CENPC: variants seen among roughly 807,000 people sequenced by gnomAD.
CENPC encodes the protein CENP-C 1.
CENPC carries 63 observed loss-of-function variants against 112.1 expected under a neutral mutation model. The ratio of observed to expected loss-of-function variants is 0.56; its 90% CI spans 0.46 to 0.69. CENPC has a LOEUF of 0.69. Among genes scored for constraint, CENPC ranks in the 30% least tolerant of loss-of-function variants. The probability of loss-of-function intolerance (pLI) is 0.00; values close to 1 mark genes in which losing one functional copy is unlikely to be tolerated. For missense variants in CENPC, 1,000 were observed against 1,103.8 expected, an observed-to-expected ratio of 0.91 and a Z score of 1.33; for synonymous variants, 333 against 367.6, an observed-to-expected ratio of 0.91 and a Z score of 1.08.
At position 67,527,968 on chromosome 4, in the gene CENPC, T is replaced by TCATTATTAAAC. The variant is rs369608138; in HGVS notation, c.331+2836_331+2846dup. On this transcript the variant is annotated intron_variant, in intron 5 of 18. Coordinates refer to ENST00000273853, the MANE Select transcript of CENPC (RefSeq NM_001812.4). Reference sequence around the variant, plus strand: ...GAACAGACATGGATACCTAATATCATCATTATTAAACAACACTGACTCAGA... The same window carrying TCATTATTAAAC: ...GAACAGACATGGATACCTAATATCATCATTATTAAACCATTATTAAACAACACTGACTCAGA... Among the ~76,000 whole-genome samples the TCATTATTAAAC allele has an allele frequency of 3.5e-3, 534 of 152,192 alleles. 6 individuals carry two copies. The highest frequency in any genetic ancestry group is 0.012 in the African/African-American group (498 of 41,512).
At chr4:67,533,372 C>G (rs540521441) in intron 4 of CENPC, among the ~76,000 whole-genome samples, 61 of 152,288 alleles carry the variant, frequency 4.0e-4, no homozygotes, top group African/African-American at 1.3e-3. Flanking sequence ...AATTAAACCT[C>G]CTTTTCTTCC....
intron 17 of CENPC, among the ~76,000 whole-genome samples, chr4:67,475,919 C>T (rs944944829): frequency 1.3e-5 from 2 of 152,090 alleles, no homozygotes; most frequent in South Asian, 2.1e-4. Flanking sequence ...ATTTGTGATA[C>T]AGTCATGCAC....
intron 12 of CENPC, among the ~76,000 whole-genome samples, chr4:67,501,426 T>C (rs1362934225): frequency 1.3e-5 from 2 of 152,222 alleles, no homozygotes; most frequent in East Asian, 3.8e-4. Flanking sequence ...ATTTCTGTAG[T>C]ATTCCTGTCA....
intron 5 of CENPC, among the ~76,000 whole-genome samples, chr4:67,522,386 T>C (rs572271501): frequency 5.3e-4 from 80 of 152,290 alleles, no homozygotes; most frequent in African/African-American, 1.7e-3. Context: ...GTCTGAGCCC[T>C]GGAATCATCT....
chr4:67,493,753 T>G (rs1725350218), intron 14 of CENPC, 131 bp downstream of exon 14: 2 of 582,360 alleles, frequency 3.4e-6, no homozygotes, highest in East Asian at 5.8e-5. Context: ...AAAAATGAAT[T>G]TAAATCCTAT....
At chr4:67,478,131 A>C (rs1183618940) in intron 17 of CENPC, among the ~76,000 whole-genome samples, 1 of 152,186 alleles carries the variant, frequency 6.6e-6, no homozygotes, top group Non-Finnish European at 1.5e-5. Flanking sequence ...AATTTGAGGA[A>C]ATAATCAAGG....
At chr4:67,487,201 G>C (rs1200238226) in intron 17 of CENPC, among the ~76,000 whole-genome samples, 2 of 151,932 alleles carry the variant, frequency 1.3e-5, no homozygotes, top group African/African-American at 4.8e-5. Context: ...ATTCTAATAA[G>C]AACAAACTCA....
Position 67,489,990 on chromosome 4 carries a change from G to T in CENPC, c.2647C>A (p.Gln883Lys). The T allele has an allele frequency of 6.3e-7, 1 of 1,589,912 alleles. No homozygotes were observed. Among genetic ancestry groups the T allele is most frequent in the Non-Finnish European group, 8.6e-7 (1 of 1,168,280 alleles). Reference protein sequence around the residue: ...ILGPQEEKGKQHVGQDILVFY... With the variant: ...ILGPQEEKGKKHVGQDILVFY... The stretch of plus-strand genomic sequence containing the variant: ...ACCAATATATCCTGGCCAACATGCT[G>T]CTTTCCCTTTTCTTCTTGTGGTCCT... The change falls in exon 17 of 19, where the codon CAG becomes AAG. Residue 883 changes from glutamine to lysine, a missense_variant. Transcript: ENST00000273853.
intron 5 of CENPC, among the ~76,000 whole-genome samples, chr4:67,527,149 T>C (rs368730307): frequency 6.6e-6 from 1 of 152,152 alleles, no homozygotes; most frequent in Non-Finnish European, 1.5e-5. Flanking sequence ...GGGGGAAATT[T>C]ATGCCAAATG....
chr4:67,525,662 CAAG>C (rs1452272534), intron 5 of CENPC, among the ~76,000 whole-genome samples: 1 of 152,106 alleles, frequency 6.6e-6, no homozygotes. Context: ...ATTAAAAAGA[CAAG>C]AAACAACAGA....
At chr4:67,525,481 A>T (rs1726348538) in intron 5 of CENPC, among the ~76,000 whole-genome samples, 1 of 152,176 alleles carries the variant, frequency 6.6e-6, no homozygotes, top group South Asian at 2.1e-4. Flanking sequence ...AAACAAAAAC[A>T]AACAATCCCA....
At chr4:67,515,384 T>G (rs1031152682) in intron 7 of CENPC, among the ~76,000 whole-genome samples, 2 of 151,584 alleles carry the variant, frequency 1.3e-5, no homozygotes, top group African/African-American at 2.4e-5. Context: ...AAGAATCACT[T>G]GAACCCAGGA....
At chr4:67,491,480 T>A (rs1874634) in intron 16 of CENPC, among the ~76,000 whole-genome samples, 1 of 18,098 alleles carries the variant, frequency 5.5e-5, no homozygotes, top group South Asian at 5.3e-3. Flanking sequence ...TATATATATA[T>A]AGAGAGAGAG....
intron 4 of CENPC, among the ~76,000 whole-genome samples, chr4:67,531,176 A>T (rs1037214743): frequency 6.6e-6 from 1 of 152,200 alleles, no homozygotes; most frequent in Admixed American, 6.5e-5. Flanking sequence ...TGGACAGAAG[A>T]CTGAATAAAC....
intron 16 of CENPC, among the ~76,000 whole-genome samples, chr4:67,491,675 T>C (rs956332987): frequency 1.3e-5 from 2 of 151,890 alleles, no homozygotes; most frequent in African/African-American, 4.8e-5. Flanking sequence ...GCTTTAAGGT[T>C]AAACCTGGCA....
At chr4:67,472,836 G>A (rs780669447) in intron 18 of CENPC, among the ~76,000 whole-genome samples, 161 bp from the exon 19 acceptor site, 4 of 152,144 alleles carry the variant, frequency 2.6e-5, no homozygotes, top group Non-Finnish European at 4.4e-5. Flanking sequence ...TACATCAACA[G>A]CTAACCATGA....
intron 12 of CENPC, among the ~76,000 whole-genome samples, chr4:67,500,740 T>C (rs910661927): frequency 3.9e-5 from 6 of 152,202 alleles, no homozygotes; most frequent in African/African-American, 9.6e-5. Context: ...AATAAAATAA[T>C]TGGCATGCGG....
rs377691757 is a variant in CENPC at position 67,508,926 on chromosome 4, C to T, written c.1792G>A (p.Glu598Lys). 15 of 1,613,550 alleles carry T rather than the reference C, an allele frequency of 9.3e-6. No homozygotes were observed. The African/African-American group carries it at 2.0e-4, about 22-fold the overall frequency. ...TGACCAACGATACCTCCAGAACCTT[C>T]AGCATTTAAAAACTTCTGTACTCTT... ...NQRVQKFLNA[E>K]GSGGIVGHDE... Residue 598 changes from glutamate to lysine, a missense_variant, in exon 10 of 19, where the codon GAA (glutamate) becomes AAA (lysine). By Grantham distance (56) the Glu-to-Lys change is moderately conservative (BLOSUM62 1). Coordinates refer to ENST00000273853, the MANE Select transcript of CENPC (RefSeq NM_001812.4).
rs1399693665 is a variant in CENPC at position 67,514,247 on chromosome 4, T to C, written c.1271A>G (p.Lys424Arg). The change falls in exon 8 of 19, where the codon AAA becomes AGA. Residue 424 changes from lysine (K) to arginine (R), a missense_variant. Coordinates refer to ENST00000273853, the MANE Select transcript of CENPC (RefSeq NM_001812.4). ...KRTIKQKQRR[K>R]FMAKPAEEQL... ...TTCTTCAGCTGGTTTAGCCATGAAT[T>C]TTCTTCTCTGTTTTTGTTTTATAGT... 3 of 1,612,786 alleles carry C rather than the reference T, an allele frequency of 1.9e-6. No homozygotes were observed. The highest frequency in any genetic ancestry group is 2.5e-6 in the Non-Finnish European group (3 of 1,179,300).
Sources: gnomAD v4.1 joint callset for allele counts (sites outside exome capture counted in the v4.1 genomes callset) on GRCh38, gnomAD v4.1.1 for gene constraint, MANE v1.5 for transcripts, NCBI Gene and HGNC (gene_info 2026-07-23, HGNC 2026-07-21) for gene names.